Variants in GAA observed in about 807,000 individuals in gnomAD.
GAA encodes lysosomal alpha-glucosidase.
Under a neutral mutation model 103.9 loss-of-function variants are expected in GAA, and 88 were observed. That is an observed-to-expected ratio of 0.85 (90% CI 0.71 to 1.01). GAA has a LOEUF of 1.01. Ranked by LOEUF, GAA falls within the 50% of genes least tolerant of loss-of-function variation. GAA has a pLI of 0.00. For synonymous variants in GAA, 572 were observed against 563.1 expected (o/e 1.02, Z -0.22); for missense variants, 1,350 against 1,305.3 (o/e 1.03, Z -0.53).
chr17:80,107,733 G>A lies in GAA; in HGVS notation c.858+11G>A, dbSNP rs1464849313. 1.2e-6 allele frequency: 2 copies of A among 1,607,026 alleles called. No individual in the cohort carries two copies. Among genetic ancestry groups the A allele is most frequent in the East Asian group, 2.2e-5 (1 of 44,828 alleles). On this transcript the variant is annotated intron_variant, in intron 4 of 19. Transcript: ENST00000302262. Reference sequence around the variant, plus strand: ...GACCTTGCGCCCACGGTACAGCGGCGGGCGGCGGGCGGGGGCACTGAGCTG... The same window carrying A: ...GACCTTGCGCCCACGGTACAGCGGCAGGCGGCGGGCGGGGGCACTGAGCTG...
chr17:80,103,959 G>A (rs1033197636), intron 1 of GAA, among the ~76,000 whole-genome samples: 3 of 152,192 alleles, frequency 2.0e-5, no homozygotes, highest in Non-Finnish European at 4.4e-5. Flanking sequence ...GGACCAAGCC[G>A]CACCTTTATG....
chr17:80,113,655 AG>A (rs1378227784), intron 15 of GAA, among the ~76,000 whole-genome samples: 1 of 152,226 alleles, frequency 6.6e-6, no homozygotes, highest in East Asian at 1.9e-4. Context: ...TATTTGCAGA[AG>A]TCAATTTATT....
chr17:80,112,019 G>A lies in GAA; in HGVS notation c.1673G>A (p.Cys558Tyr). ...VGGTLQAATI[C>Y]ASSHQFLSTH... ...GGGACCCTCCAGGCGGCCACCATCT[G>A]TGCCTCCAGCCACCAGTTTCTCTCC... The change falls in exon 12 of 20, where the codon TGT (cysteine) becomes TAT (tyrosine). Residue 558 changes from cysteine to tyrosine, a missense_variant. Coordinates refer to ENST00000302262, the MANE Select transcript of GAA (RefSeq NM_000152.5). The A allele has an allele frequency of 6.2e-7, 1 of 1,613,970 alleles. No homozygotes were observed. Among genetic ancestry groups the A allele is most frequent in the South Asian group, 1.1e-5 (1 of 91,084 alleles).
At chr17:80,105,469 A>G (rs2039060857) in intron 2 of GAA, among the ~76,000 whole-genome samples, 2 of 152,198 alleles carry the variant, frequency 1.3e-5, no homozygotes, top group Non-Finnish European at 2.9e-5. Context: ...TTGTGTAAGG[A>G]TGCAAAATTT....
intron 5 of GAA, among the ~76,000 whole-genome samples, 154 bp downstream of exon 5, chr17:80,108,050 G>A (rs2039137019): frequency 6.6e-6 from 1 of 152,186 alleles, no homozygotes; most frequent in Admixed American, 6.5e-5. Context: ...CCCAACTCTG[G>A]CCTTCTGTGC....
Position 80,113,279 on chromosome 17 carries a change from T to A in GAA, c.2102T>A (p.Leu701Gln). The change falls in exon 15 of 20, where the codon CTG becomes CAG. Residue 701 changes from leucine to glutamine, a missense_variant. Physicochemically the swap from Leu to Gln is moderately radical, Grantham distance 113. Transcript: ENST00000302262. ...CAGGCCATGAGGAAGGCCCTCACCC[T>A]GCGCTACGCACTCCTCCCCCACCTC... is the stretch of plus-strand genomic sequence containing the variant. ...AQQAMRKALTLRYALLPHLYT... is the reference protein window; with the variant it reads ...AQQAMRKALTQRYALLPHLYT... 2 of 1,600,990 alleles carry A rather than the reference T, an allele frequency of 1.2e-6. No individual in the cohort carries two copies. Among genetic ancestry groups the A allele is most frequent in the Non-Finnish European group, 1.7e-6 (2 of 1,174,258 alleles).
chr17:80,113,355 C>T lies in GAA; in HGVS notation c.2178C>T (p.Pro726=), dbSNP rs1226457670. 1 of 1,582,160 alleles carries T rather than the reference C, an allele frequency of 6.3e-7. No homozygotes were observed. The highest frequency in any genetic ancestry group is 8.6e-7 in the Non-Finnish European group (1 of 1,162,988). ...AHVAGETVAR[P]LFLEFPKDSS... is the part of the protein sequence containing the mutation. ...TCGCGGGGGAGACCGTGGCCCGGCC[C>T]CTCTTCCTGGAGTGAGTGACCTAGG... is the stretch of plus-strand genomic sequence containing the variant. Residue 726 remains proline (P), a synonymous_variant, in exon 15 of 20, where the codon CCC becomes CCT. Transcript: ENST00000302262.
chr17:80,117,001 C>G lies in GAA; in HGVS notation c.2223C>G (p.Asp741Glu), dbSNP rs767773929. ...AGGACTCTAGCACCTGGACTGTGGACCACCAGCTCCTGTGGGGGGAGGCCC... is the reference window on the plus strand; with the variant it reads ...AGGACTCTAGCACCTGGACTGTGGAGCACCAGCTCCTGTGGGGGGAGGCCC... Reference protein sequence around the residue: ...FPKDSSTWTVDHQLLWGEALL... With the variant: ...FPKDSSTWTVEHQLLWGEALL... The change falls in exon 16 of 20, where the codon GAC (aspartate) becomes GAG (glutamate). Residue 741 changes from aspartate (D) to glutamate (E), a missense_variant. Coordinates refer to ENST00000302262, the MANE Select transcript of GAA (RefSeq NM_000152.5). The G allele has an allele frequency of 6.2e-7, 1 of 1,613,772 alleles. No homozygotes were observed. The highest frequency in any genetic ancestry group is 2.2e-5 in the East Asian group (1 of 44,876).
Position 80,110,840 on chromosome 17 carries a change from TG to T in GAA, c.1551+1del. On this transcript the variant is annotated splice_donor_variant, in intron 10 of 19. Coordinates refer to ENST00000302262, the MANE Select transcript of GAA (RefSeq NM_000152.5). LOFTEE classifies it high-confidence loss of function. ...AGGTGCCCTTCGACGGCATGTGGAT[TG>T]TAAGTGTGGCCCCCTCCTGAGCATC... 6.2e-7 allele frequency: 1 copy of T among 1,614,012 alleles called. No homozygotes were observed. The highest frequency in any genetic ancestry group is 8.5e-7 in the Non-Finnish European group (1 of 1,179,954).
In GAA at chr17:80,119,306, A is replaced by G; in HGVS notation, c.2834A>G (p.Glu945Gly). Reference sequence around the variant, plus strand: ...ATCTGTGTCTCGCTGTTGATGGGAGAGCAGTTTCTCGTCAGCTGGTGTTAG... The same window carrying G: ...ATCTGTGTCTCGCTGTTGATGGGAGGGCAGTTTCTCGTCAGCTGGTGTTAG... ...LDICVSLLMG[E>G]QFLVSWC is the part of the protein sequence containing the mutation. The change falls in exon 20 of 20, where the codon GAG becomes GGG. Residue 945 changes from glutamate (E) to glycine (G), a missense_variant. Physicochemically the swap from Glu to Gly is moderately conservative, Grantham distance 98. Coordinates refer to ENST00000302262, the MANE Select transcript of GAA (RefSeq NM_000152.5). 6.2e-7 allele frequency: 1 copy of G among 1,613,558 alleles called. No individual in the cohort carries two copies. The highest frequency in any genetic ancestry group is 1.3e-5 in the African/African-American group (1 of 74,810).
At position 80,119,799 on chromosome 17, in the gene GAA, G is replaced by C; in HGVS notation, c.*468G>C. 4.9e-6 allele frequency: 1 copy of C among 204,932 alleles called. No homozygotes were observed. The highest frequency in any genetic ancestry group is 1.0e-5 in the Non-Finnish European group (1 of 98,864). The allele number at this position is 204,932 out of a possible 1,614,324, so 12.7% of individuals were successfully genotyped here. On this transcript the variant is annotated 3_prime_UTR_variant, in exon 20 of 20. Transcript: ENST00000302262. ...GCCTGCCGGTCCCCGAGCAAGCCTGGGAACTCAGGAAAATTCACAGGACTT... is the reference window on the plus strand; with the variant it reads ...GCCTGCCGGTCCCCGAGCAAGCCTGCGAACTCAGGAAAATTCACAGGACTT...
chr17:80,101,663 G>C lies in GAA; in HGVS notation c.-260G>C, dbSNP rs2304849. 0.17 allele frequency: 25,639 copies of C among 151,788 alleles called. 2,727 individuals carry two copies. The highest frequency in any genetic ancestry group is 0.24 in the Non-Finnish European group (16,398 of 67,846). The allele number at this position is 151,788 out of a possible 1,614,324, so 9.4% of individuals were successfully genotyped here. On this transcript the variant is annotated 5_prime_UTR_variant, in exon 1 of 20. Transcript: ENST00000302262. ...GGGGCTGCGGGGCTTCCCTGAGCGC[G>C]GGCCGGGTCGGTGGGGCGGTCGGCT...
intron 14 of GAA, 40 bp from the exon 15 acceptor site, chr17:80,113,178 C>G: frequency 6.4e-7 from 1 of 1,565,546 alleles, no homozygotes; most frequent in Admixed American, 1.8e-5. Flanking sequence ...ACCGCGGCCC[C>G]AGCACCCAAG....
rs2039430327 is a variant in GAA at position 80,119,297 on chromosome 17, T to C, written c.2825T>C (p.Leu942Ser). 2 of 1,613,966 alleles carry C rather than the reference T, an allele frequency of 1.2e-6. No individual in the cohort carries two copies. The highest frequency in any genetic ancestry group is 4.5e-5 in the East Asian group (2 of 44,874). Residue 942 changes from leucine to serine, a missense_variant, in exon 20 of 20, where the codon TTG becomes TCG. Transcript: ENST00000302262. ...TKVLDICVSL[L>S]MGEQFLVSWC ...GTCCTGGACATCTGTGTCTCGCTGT[T>C]GATGGGAGAGCAGTTTCTCGTCAGC... is the stretch of plus-strand genomic sequence containing the variant.
Position 80,118,130 on chromosome 17 carries a change from C to T in GAA, c.2482-63C>T, listed in dbSNP as rs139912452. 501 of 1,573,794 alleles carry T rather than the reference C, an allele frequency of 3.2e-4. 1 individual carries two copies. Among genetic ancestry groups the T allele is most frequent in the Non-Finnish European group, 4.0e-4 (461 of 1,151,542 alleles). On this transcript the variant is annotated intron_variant, in intron 17 of 19. Coordinates refer to ENST00000302262, the MANE Select transcript of GAA (RefSeq NM_000152.5). Reference sequence around the variant, plus strand: ...GCTGTACCAGCCTAGCATTCCCGGGCCCTGGAGGCCTCCACCTCCACCAGG... The same window carrying T: ...GCTGTACCAGCCTAGCATTCCCGGGTCCTGGAGGCCTCCACCTCCACCAGG...
intron 15 of GAA, 75 bp from the exon 16 acceptor site, chr17:80,116,893 C>A: frequency 6.4e-7 from 1 of 1,553,346 alleles, no homozygotes; most frequent in Non-Finnish European, 8.9e-7. Flanking sequence ...CTTCCTGTGC[C>A]TCCCCAGGGT....
rs992579033 is a variant in GAA, at chr17:80,119,292, G to A, written c.2820G>A (p.Ser940=). 40 of 1,613,880 alleles carry A rather than the reference G, an allele frequency of 2.5e-5. No individual in the cohort carries two copies. Among genetic ancestry groups the A allele is most frequent in the East Asian group, 4.5e-5 (2 of 44,892 alleles). ...TCCAGGTCCTGGACATCTGTGTCTC[G>A]CTGTTGATGGGAGAGCAGTTTCTCG... The part of the protein sequence containing the change: ...PDTKVLDICV[S]LLMGEQFLVS... The change falls in exon 20 of 20, where the codon TCG becomes TCA. Residue 940 remains serine, a synonymous_variant. Transcript: ENST00000302262.
At chr17:80,106,888 C>T (rs1461527643) in intron 3 of GAA, among the ~76,000 whole-genome samples, 1 of 152,242 alleles carries the variant, frequency 6.6e-6, no homozygotes, top group Non-Finnish European at 1.5e-5. Context: ...TGCCACTGCA[C>T]TTCAGCCTTG....
At chr17:80,116,008 A>G (rs748910748) in intron 15 of GAA, among the ~76,000 whole-genome samples, 1 of 152,236 alleles carries the variant, frequency 6.6e-6, no homozygotes, top group Admixed American at 6.5e-5. Context: ...ACCCTTGGTT[A>G]GTTTCAAGAG....
Sources: gnomAD v4.1 joint callset for allele counts (sites outside exome capture counted in the v4.1 genomes callset) on GRCh38, gnomAD v4.1.1 for gene constraint, MANE v1.5 for transcripts, NCBI Gene and HGNC (gene_info 2026-07-23, HGNC 2026-07-21) for gene names.